ENTPD5: variants seen among roughly 807,000 people sequenced by gnomAD.
ENTPD5 encodes the protein nucleoside diphosphate phosphatase ENTPD5.
In ENTPD5, 49 loss-of-function variants were observed where a neutral mutation model predicts 60.2. The ratio of observed to expected loss-of-function variants is 0.81; its 90% CI spans 0.65 to 1.03. The LOEUF (loss-of-function observed/expected upper bound fraction) is 1.03, where lower values mean the gene tolerates loss of function less well. Ranked by LOEUF, ENTPD5 falls within the 50% of genes least tolerant of loss-of-function variation. ENTPD5 has a pLI of 0.00. For synonymous variants in ENTPD5, 187 were observed against 185.4 expected, an observed-to-expected ratio of 1.01 and a Z score of -0.07; for missense variants, 480 against 507.6, an observed-to-expected ratio of 0.95 and a Z score of 0.52.
At chr14:74,018,522 T>C (rs952123424) in intron 1 of ENTPD5, 3 of 152,222 alleles carry the variant, frequency 2.0e-5, no homozygotes, top group African/African-American at 4.8e-5. Flanking sequence ...TGAGAATACT[T>C]GTGAGTACAC....
intron 3 of ENTPD5, among the ~76,000 whole-genome samples, chr14:73,996,977 A>G (rs529812820): frequency 1.1e-4 from 17 of 152,068 alleles, no homozygotes; most frequent in Non-Finnish European, 1.9e-4. Flanking sequence ...CAAGCAAACC[A>G]ACGACTGTAA....
At chr14:73,974,826 C>A (rs1370297726) in intron 11 of ENTPD5, 98 bp downstream of exon 11, 3 of 975,266 alleles carry the variant, frequency 3.1e-6, no homozygotes, top group South Asian at 3.0e-5. Context: ...TCAACATAAT[C>A]TTTTCCTTCA....
downstream of ENTPD5, chr14:73,956,118 A>G (rs1371313053): frequency 4.0e-5 from 25 of 617,410 alleles, no homozygotes; most frequent in Non-Finnish European, 6.0e-5. Flanking sequence ...AGGTCAGGAG[A>G]TGGAGACCAT....
chr14:74,006,440 C>A (rs924584058), intron 3 of ENTPD5, among the ~76,000 whole-genome samples: 2 of 151,976 alleles, frequency 1.3e-5, no homozygotes, highest in African/African-American at 4.8e-5. Context: ...CCCGCCGCCA[C>A]GCCCGGCTAA....
chr14:73,989,249 C>T (rs1594901325), intron 3 of ENTPD5, among the ~76,000 whole-genome samples: 1 of 152,056 alleles, frequency 6.6e-6, no homozygotes, highest in South Asian at 2.1e-4. Context: ...GGCAACATAG[C>T]GAGAGCCCTG....
intron 3 of ENTPD5, chr14:73,996,214 A>G (rs1849414126): frequency 1.0e-6 from 1 of 985,138 alleles, no homozygotes; most frequent in Admixed American, 6.2e-5. Context: ...CATGAACCGC[A>G]TTCACCTTTG....
At chr14:74,008,995 C>T (rs1015885916) in intron 3 of ENTPD5, 3 of 152,112 alleles carry the variant, frequency 2.0e-5, no homozygotes, top group Non-Finnish European at 2.9e-5. Context: ...TCATTAGACA[C>T]GTGTCAAAAA....
At chr14:73,984,322 G>C (rs2057812480) in intron 5 of ENTPD5, among the ~76,000 whole-genome samples, 1 of 152,156 alleles carries the variant, frequency 6.6e-6, no homozygotes, top group South Asian at 2.1e-4. Flanking sequence ...GTTGGGACTT[G>C]GTTTCCTCAA....
Position 73,988,020 on chromosome 14 carries a change from G to A in ENTPD5, c.83C>T (p.Thr28Ile). The A allele has an allele frequency of 8.7e-6, 14 of 1,614,170 alleles. No individual in the cohort carries two copies. The highest frequency in any genetic ancestry group is 1.2e-5 in the Non-Finnish European group (14 of 1,180,040). Residue 28 changes from threonine to isoleucine, a missense_variant, in exon 4 of 16, where the codon ACT becomes ATT. Coordinates refer to ENST00000334696, the MANE Select transcript of ENTPD5 (RefSeq NM_001249.5). ...AGACAGGAAGATACCCTCAAACCAAGTCTGCTGGTTCCTGTGGGAGACAGC... is the reference window on the plus strand; with the variant it reads ...AGACAGGAAGATACCCTCAAACCAAATCTGCTGGTTCCTGTGGGAGACAGC... ...CSAVSHRNQQ[T>I]WFEGIFLSSM... is the part of the protein sequence containing the mutation.
chr14:73,955,425 TG>T (rs747606882), downstream of ENTPD5: 66 of 1,604,178 alleles, frequency 4.1e-5, no homozygotes, highest in African/African-American at 8.1e-4. Context: ...GAAGTCACTC[TG>T]GTCTATAGAT....
chr14:73,957,944 C>T, downstream of ENTPD5: 1 of 556,586 alleles, frequency 1.8e-6, no homozygotes, highest in Non-Finnish European at 3.2e-6. Context: ...CTGAGAACTT[C>T]AATGTCTTTT....
At chr14:73,959,406 T>C, downstream of ENTPD5, 2 of 1,614,098 alleles carry the variant, frequency 1.2e-6, no homozygotes, top group East Asian at 4.5e-5. Context: ...TGGTGTTCTT[T>C]TGACACAGCT....
chr14:73,970,545 G>T lies in ENTPD5; in HGVS notation c.1085-420C>A, dbSNP rs538505350. Among the ~76,000 whole-genome samples, 70 of 152,124 alleles carry T rather than the reference G, an allele frequency of 4.6e-4. No individual in the cohort carries two copies. In the South Asian group the frequency reaches 0.014, roughly 31 times the overall value. On this transcript the variant is annotated intron_variant, in intron 14 of 15. Coordinates refer to ENST00000334696, the MANE Select transcript of ENTPD5 (RefSeq NM_001249.5). Reference sequence around the variant, plus strand: ...ATAAGCAAAGCAGAAGTCTCCCTTTGGTTAATGCTTAGGCATCTCAGAGAC... The same window carrying T: ...ATAAGCAAAGCAGAAGTCTCCCTTTTGTTAATGCTTAGGCATCTCAGAGAC...
intron 4 of ENTPD5, 107 bp from the exon 5 acceptor site, chr14:73,987,000 G>GGA: frequency 1.2e-6 from 1 of 838,872 alleles, no homozygotes; most frequent in Admixed American, 1.9e-5. Flanking sequence ...CTTCCCTGAA[G>GGA]TTATCCCAAA....
chr14:73,970,781 C>T (rs1436466581), intron 14 of ENTPD5, among the ~76,000 whole-genome samples: 1 of 151,902 alleles, frequency 6.6e-6, no homozygotes, highest in Non-Finnish European at 1.5e-5. Flanking sequence ...GTGGGCTACT[C>T]GATAAGATCA....
chr14:73,961,921 G>A, downstream of ENTPD5: 1 of 1,613,898 alleles, frequency 6.2e-7, no homozygotes, highest in Non-Finnish European at 8.5e-7. Flanking sequence ...GTTGCTCAGA[G>A]GAATGACTTT....
At chr14:73,963,142 T>C (rs941901702), downstream of ENTPD5, 14 of 761,978 alleles carry the variant, frequency 1.8e-5, no homozygotes, top group Non-Finnish European at 2.8e-5. Context: ...TTAATGGGCC[T>C]GTGGCACCCA....
chr14:73,991,860 T>A (rs546552870), intron 3 of ENTPD5, among the ~76,000 whole-genome samples: 43 of 149,272 alleles, frequency 2.9e-4, no homozygotes, highest in African/African-American at 1.1e-3. Flanking sequence ...TTTAAAAATT[T>A]TTTTTTAAAT....
chr14:74,016,660 C>T (rs1043555728), intron 1 of ENTPD5, among the ~76,000 whole-genome samples: 2 of 152,052 alleles, frequency 1.3e-5, no homozygotes, highest in African/African-American at 4.8e-5. Flanking sequence ...AACCCAAAAA[C>T]CAATAAAAGA....
Sources: allele counts gnomAD v4.1 joint callset (sites outside exome capture counted in the v4.1 genomes callset), GRCh38; gene constraint gnomAD v4.1.1; transcripts MANE v1.5; gene names NCBI Gene and HGNC (gene_info 2026-07-23, HGNC 2026-07-21).